Variants in JCAD observed in about 807,000 individuals in gnomAD.
JCAD encodes junctional cadherin 5 associated.
Under a neutral mutation model 98.0 loss-of-function variants are expected in JCAD, and 40 were observed. The ratio of observed to expected loss-of-function variants is 0.41; its 90% CI spans 0.32 to 0.53. JCAD has a LOEUF of 0.53. Ranked by LOEUF, JCAD falls within the 20% of genes least tolerant of loss-of-function variation. The pLI is 0.31. For synonymous variants in JCAD, 691 were observed against 682.3 expected, an observed-to-expected ratio of 1.01 and a Z score of -0.20; for missense variants, 1,705 against 1,738.1, an observed-to-expected ratio of 0.98 and a Z score of 0.34.
At chr10:30,076,205 T>G (rs1837977825) in intron 1 of JCAD, among the ~76,000 whole-genome samples, 1 of 152,068 alleles carries the variant, frequency 6.6e-6, no homozygotes, top group Non-Finnish European at 1.5e-5. Flanking sequence ...TTTTGTATTT[T>G]TAGTAGAGGC....
rs1283758365 is a variant in JCAD at position 30,029,494 on chromosome 10, T to C, written c.654A>G (p.Glu218=). 1.2e-6 allele frequency: 2 copies of C among 1,614,210 alleles called. No homozygotes were observed. The highest frequency in any genetic ancestry group is 4.5e-5 in the East Asian group (2 of 44,890). ...CTTTGTTTTGAGAATTCAACACATG[T>C]TCTCCTTGAATGAATGGGTACAGGT... ...FQDLYPFIQG[E]HVLNSQNKGK... is the part of the protein sequence containing the mutation. The change falls in exon 3 of 4, where the codon GAA becomes GAG. Residue 218 remains glutamate (E), a synonymous_variant. Coordinates refer to ENST00000375377, the MANE Select transcript of JCAD (RefSeq NM_020848.4).
At chr10:30,039,237 G>A (rs1837189923) in intron 2 of JCAD, among the ~76,000 whole-genome samples, 1 of 152,216 alleles carries the variant, frequency 6.6e-6, no homozygotes, top group African/African-American at 2.4e-5. Flanking sequence ...GAGCATCCCA[G>A]GTCCTACAGG....
chr10:30,094,126 TTTG>T (rs1195014911), intron 1 of JCAD, among the ~76,000 whole-genome samples: 3 of 152,160 alleles, frequency 2.0e-5, no homozygotes, highest in African/African-American at 7.2e-5. Flanking sequence ...TTGTCATTGC[TTTG>T]TTAAGTCAAG....
intron 1 of JCAD, among the ~76,000 whole-genome samples, chr10:30,079,136 C>A (rs1176357161): frequency 6.6e-6 from 1 of 152,048 alleles, no homozygotes; most frequent in Non-Finnish European, 1.5e-5. Context: ...CCGAGGCGGG[C>A]AGATCACGAG....
chr10:30,077,363 G>A (rs111914006), intron 1 of JCAD, among the ~76,000 whole-genome samples: 247 of 152,172 alleles, frequency 1.6e-3, no homozygotes, highest in African/African-American at 5.7e-3. Context: ...TGCAGCCTCT[G>A]CCTCCTGGGT....
intron 1 of JCAD, among the ~76,000 whole-genome samples, chr10:30,105,319 G>T (rs1251746939): frequency 6.6e-6 from 1 of 151,870 alleles, no homozygotes; most frequent in African/African-American, 2.4e-5. Context: ...CAATCCCTAA[G>T]GGGCTCCTTT....
chr10:30,029,372 G>A lies in JCAD; in HGVS notation c.776C>T (p.Pro259Leu). The A allele has an allele frequency of 6.2e-7, 1 of 1,614,110 alleles. No homozygotes were observed. The highest frequency in any genetic ancestry group is 1.3e-5 in the African/African-American group (1 of 75,020). Residue 259 changes from proline (P) to leucine (L), a missense_variant, in exon 3 of 4, where the codon CCA becomes CTA. This residue lies in a region of JCAD where 275 missense variants were observed against 346.9 expected (regional missense o/e 0.79). Coordinates refer to ENST00000375377, the MANE Select transcript of JCAD (RefSeq NM_020848.4). ...TGGTGCGCAAGTGGGAGGATACGGT[G>A]GCATTTTAGGTGAATGTCTTTCATT... The part of the protein sequence containing the change: ...PLNERHSPKM[P>L]PYPPTCAPNL...
At chr10:30,087,992 C>T (rs1838193197) in intron 1 of JCAD, among the ~76,000 whole-genome samples, 1 of 152,314 alleles carries the variant, frequency 6.6e-6, no homozygotes, top group African/African-American at 2.4e-5. Context: ...AGGCATGCAC[C>T]ACCACACCCA....
chr10:30,086,898 G>C (rs1045085400), intron 1 of JCAD, among the ~76,000 whole-genome samples: 2 of 152,162 alleles, frequency 1.3e-5, no homozygotes, highest in Non-Finnish European at 2.9e-5. Context: ...CTTAGTGTTG[G>C]TAGATTTTTA....
intron 2 of JCAD, among the ~76,000 whole-genome samples, chr10:30,045,461 C>G (rs1209941221): frequency 6.6e-6 from 1 of 152,154 alleles, no homozygotes; most frequent in Non-Finnish European, 1.5e-5. Flanking sequence ...CTGTAAGACT[C>G]TGTACAAGAA....
chr10:30,055,889 C>T (rs1292107716), intron 1 of JCAD, among the ~76,000 whole-genome samples: 1 of 152,000 alleles, frequency 6.6e-6, no homozygotes, highest in East Asian at 1.9e-4. Context: ...AAGTATTATC[C>T]CTTCTGACTC....
intron 1 of JCAD, among the ~76,000 whole-genome samples, chr10:30,079,172 C>A (rs1275766787): frequency 6.6e-6 from 1 of 151,954 alleles, no homozygotes; most frequent in East Asian, 1.9e-4. Flanking sequence ...CACGGTGAAA[C>A]CCCGTCCCTA....
Position 30,028,210 on chromosome 10 carries a change from C to T in JCAD, c.1938G>A (p.Glu646=). The change falls in exon 3 of 4, where the codon GAG becomes GAA. Residue 646 remains glutamate, a synonymous_variant. Transcript: ENST00000375377. ...GTTCCCCTAGATCTTGTTTTTGGAA[C>T]TCCGTTCTCCCACCCATGCTTCCTG... ...ALTGSMGGRT[E]FQKQDLGEPE... 6.2e-7 allele frequency: 1 copy of T among 1,614,222 alleles called. No individual in the cohort carries two copies. The highest frequency in any genetic ancestry group is 8.5e-7 in the Non-Finnish European group (1 of 1,180,044).
At chr10:30,062,043 A>G (rs1359545822), upstream of JCAD, among the ~76,000 whole-genome samples, 1 of 152,202 alleles carries the variant, frequency 6.6e-6, no homozygotes, top group Non-Finnish European at 1.5e-5. Flanking sequence ...GAAGTTTTAT[A>G]ATGTACCTAA....
intron 2 of JCAD, among the ~76,000 whole-genome samples, chr10:30,039,546 G>T (rs978489445): frequency 6.6e-6 from 1 of 152,200 alleles, no homozygotes; most frequent in African/African-American, 2.4e-5. Flanking sequence ...ACTTGAGGAA[G>T]AAAAGGTATA....
rs369326674 is a variant in JCAD at position 30,027,900 on chromosome 10, G to A, written c.2248C>T (p.Leu750=). The change falls in exon 3 of 4, where the codon CTG becomes TTG. Residue 750 remains leucine (L), a synonymous_variant. Coordinates refer to ENST00000375377, the MANE Select transcript of JCAD (RefSeq NM_020848.4). ...GGGCTGAGGGACCTGTGACCTTTCA[G>A]GTTACGGGCACTTGGCCTCTGTTTG... ...DHKQRPSARN[L]KGHRSLSPSS... is the part of the protein sequence containing the mutation. 19 of 1,614,116 alleles carry A rather than the reference G, an allele frequency of 1.2e-5. No homozygotes were observed. In the African/African-American group the frequency reaches 2.5e-4, roughly 22 times the overall value.
intron 1 of JCAD, among the ~76,000 whole-genome samples, chr10:30,107,346 C>T (rs537815028): frequency 6.6e-6 from 1 of 152,324 alleles, no homozygotes; most frequent in East Asian, 1.9e-4. Context: ...AGGGATCTCT[C>T]GTCATCCTTG....
chr10:30,076,184 C>T (rs1357290635), intron 1 of JCAD, among the ~76,000 whole-genome samples: 3 of 151,996 alleles, frequency 2.0e-5, no homozygotes, highest in Non-Finnish European at 4.4e-5. Context: ...CTACCACACC[C>T]GGCTAAATTT....
intron 1 of JCAD, among the ~76,000 whole-genome samples, chr10:30,049,010 CACAAA>C (rs1466395354): frequency 1.3e-5 from 2 of 152,178 alleles, no homozygotes; most frequent in South Asian, 2.1e-4. Flanking sequence ...GTGTAAACTG[CACAAA>C]ACAAGAGTAC....
Sources: gnomAD v4.1 joint callset for allele counts (sites outside exome capture counted in the v4.1 genomes callset) on GRCh38, gnomAD v4.1.1 for gene constraint, gnomAD v4.1.1 regional missense constraint, MANE v1.5 for transcripts, NCBI Gene and HGNC (gene_info 2026-07-23, HGNC 2026-07-21) for gene names.